Variants in ENTREP2 observed in about 807,000 individuals in gnomAD.
ENTREP2 encodes the protein protein ENTREP2.
At chr15:29,390,144 C>G in the ENTREP2 span, among the ~76,000 whole-genome samples, 2 of 152,318 alleles carry the variant, frequency 1.3e-5, no homozygotes, top group East Asian at 3.9e-4. Flanking sequence ...CTCAGAGCCT[C>G]TGCTCTGAAA....
chr15:29,467,988 C>A, the ENTREP2 span, among the ~76,000 whole-genome samples: 1 of 152,052 alleles, frequency 6.6e-6, no homozygotes, highest in Non-Finnish European at 1.5e-5. Flanking sequence ...CCAAACAAAC[C>A]GCTGCCTAAA....
At chr15:29,341,008 T>C in the ENTREP2 span, among the ~76,000 whole-genome samples, 28 of 152,308 alleles carry the variant, frequency 1.8e-4, no homozygotes, top group African/African-American at 6.7e-4. Context: ...CACAGTGAAC[T>C]AACTGGAGCC....
chr15:29,420,910 T>C, the ENTREP2 span, among the ~76,000 whole-genome samples: 1 of 152,234 alleles, frequency 6.6e-6, no homozygotes, highest in Non-Finnish European at 1.5e-5. Flanking sequence ...CCATGCCCTC[T>C]GCCCCTGCAG....
At chr15:29,206,229 C>T in the ENTREP2 span, among the ~76,000 whole-genome samples, 1 of 152,280 alleles carries the variant, frequency 6.6e-6, no homozygotes, top group East Asian at 1.9e-4. Flanking sequence ...ACTGTGTCCT[C>T]ACCTGGCAGA....
chr15:29,161,972 C>T, the ENTREP2 span, among the ~76,000 whole-genome samples: 9 of 152,046 alleles, frequency 5.9e-5, no homozygotes, highest in Admixed American at 5.2e-4. Flanking sequence ...CTGGAAGACA[C>T]CCCAAATACT....
the ENTREP2 span, chr15:29,267,269 A>AG: frequency 3.9e-5 from 6 of 152,040 alleles, no homozygotes. Context: ...AATTTGCAGC[A>AG]CCTCCCCCTA....
chr15:29,657,354 G>A, the ENTREP2 span, among the ~76,000 whole-genome samples: 2,409 of 147,048 alleles, frequency 0.016, 66 homozygotes, highest in African/African-American at 0.061. Flanking sequence ...CTCAAAGACG[G>A]CAGTGTTACA....
chr15:29,638,676 A>G, the ENTREP2 span, among the ~76,000 whole-genome samples: 2 of 152,228 alleles, frequency 1.3e-5, no homozygotes, highest in Non-Finnish European at 2.9e-5. Flanking sequence ...CAGGAGTTTG[A>G]GACTAGCCTA....
chr15:29,631,208 G>C, the ENTREP2 span, among the ~76,000 whole-genome samples: 1 of 152,048 alleles, frequency 6.6e-6, no homozygotes, highest in Non-Finnish European at 1.5e-5. Flanking sequence ...TTTTGTGATG[G>C]CGGCTTTGAA....
At chr15:29,444,090 A>G in the ENTREP2 span, among the ~76,000 whole-genome samples, 92,542 of 144,786 alleles carry the variant, frequency 0.64, 29,957 homozygotes, top group Admixed American at 0.65. Context: ...GCGACAGAGC[A>G]AGACTCCGTC....
chr15:29,148,144 G>A, the ENTREP2 span, among the ~76,000 whole-genome samples: 1 of 152,174 alleles, frequency 6.6e-6, no homozygotes, highest in Non-Finnish European at 1.5e-5. Context: ...TGAGAGGTGG[G>A]AAGGAAATAG....
the ENTREP2 span, among the ~76,000 whole-genome samples, chr15:29,669,937 T>A: frequency 6.6e-6 from 1 of 152,206 alleles, no homozygotes; most frequent in Non-Finnish European, 1.5e-5. Flanking sequence ...GTCAAAATCA[T>A]GTTGGCTGTG....
chr15:29,450,733 G>C, the ENTREP2 span, among the ~76,000 whole-genome samples: 1 of 152,210 alleles, frequency 6.6e-6, no homozygotes, highest in African/African-American at 2.4e-5. Flanking sequence ...ATCAATGGTA[G>C]ACTGGGTAAA....
the ENTREP2 span, among the ~76,000 whole-genome samples, chr15:29,486,815 A>G: frequency 3.3e-5 from 5 of 152,188 alleles, no homozygotes; most frequent in Non-Finnish European, 7.3e-5. Flanking sequence ...GATCTCAACC[A>G]TATGTGATGG....
At chr15:29,519,159 T>TCACACA in the ENTREP2 span, among the ~76,000 whole-genome samples, 8 of 147,420 alleles carry the variant, frequency 5.4e-5, no homozygotes, top group African/African-American at 1.8e-4. Context: ...TCTCTCTCTC[T>TCACACA]CACACACACA....
At chr15:29,545,546 T>A in the ENTREP2 span, among the ~76,000 whole-genome samples, 58,076 of 152,026 alleles carry the variant, frequency 0.38, 11,211 homozygotes, top group East Asian at 0.42. Flanking sequence ...TATGAAAGCT[T>A]TGTTTATTAT....
the ENTREP2 span, among the ~76,000 whole-genome samples, chr15:29,596,820 T>A: frequency 2.0e-5 from 3 of 151,778 alleles, no homozygotes; most frequent in Non-Finnish European, 2.9e-5. Flanking sequence ...AGGCGCCCGC[T>A]GCCATGCCCA....
chr15:29,175,163 C>T, the ENTREP2 span, among the ~76,000 whole-genome samples: 19 of 152,174 alleles, frequency 1.2e-4, no homozygotes, highest in South Asian at 2.1e-3. Flanking sequence ...GCCAGACTGC[C>T]GGCCTGGGAT....
the ENTREP2 span, among the ~76,000 whole-genome samples, chr15:29,618,959 C>A: frequency 2.6e-5 from 4 of 152,242 alleles, no homozygotes; most frequent in Non-Finnish European, 2.9e-5. Flanking sequence ...CAGACAAGAG[C>A]TGGAAGATTC....
Sources: gnomAD v4.1 joint callset for allele counts (sites outside exome capture counted in the v4.1 genomes callset) on GRCh38, gnomAD v4.1.1 for gene constraint, MANE v1.5 for transcripts, NCBI Gene and HGNC (gene_info 2026-07-23, HGNC 2026-07-21) for gene names.